The following URGCP variants were observed in gnomAD, a reference collection of about 807,000 sequenced individuals.
The protein encoded by URGCP is upregulator of cell proliferation.
URGCP carries 13 observed loss-of-function variants against 24.6 expected under a neutral mutation model. The ratio of observed to expected loss-of-function variants is 0.53; its 90% confidence interval spans 0.34 to 0.84. URGCP has a LOEUF of 0.84. URGCP is among the 40% of genes least tolerant of loss of function. The pLI is 0.01. For synonymous variants in URGCP, 444 were observed against 487.2 expected (o/e 0.91, Z 1.17); for missense variants, 899 against 1,194.3 (o/e 0.75, Z 3.64).
upstream of URGCP, among the ~76,000 whole-genome samples, chr7:43,907,398 CGAGGCAGGAG>C (rs967066882): frequency 5.9e-5 from 9 of 152,042 alleles, no homozygotes; most frequent in African/African-American, 2.2e-4. Flanking sequence ...TTTGGGAGGC[CGAGGCAGGAG>C]GATCGATTGA....
At chr7:43,905,574 G>C (rs1234582179) in intron 1 of URGCP, 2 of 151,966 alleles carry the variant, frequency 1.3e-5, no homozygotes, top group African/African-American at 4.8e-5. Context: ...CCATGATCCC[G>C]GCCCCTTAGC....
rs915671326 is a variant in URGCP, at chr7:43,878,554, A to G, written c.909T>C (p.Asn303=). The stretch of plus-strand genomic sequence containing the variant: ...CCAACCCATCCGAAATCTCCCGGGC[A>G]TTGGTGCCCAAGTTGAGGTCCCGAT... ...FWHRDLNLGT[N]AREISDGLVE... Residue 303 remains asparagine (N), a synonymous_variant, in exon 6 of 6, where the codon AAT becomes AAC. Transcript: ENST00000453200. The surrounding 1 kb of genome is among the most constrained non-coding windows in gnomAD (Gnocchi z 5.6). The G allele has an allele frequency of 7.4e-6, 12 of 1,614,078 alleles. No individual in the cohort carries two copies. Among genetic ancestry groups the G allele is most frequent in the Admixed American group, 1.7e-5 (1 of 60,016 alleles).
At chr7:43,890,686 T>C (rs2095869369) in intron 1 of URGCP, among the ~76,000 whole-genome samples, 1 of 152,116 alleles carries the variant, frequency 6.6e-6, no homozygotes, top group Admixed American at 6.5e-5. Flanking sequence ...CACATAGACA[T>C]CTCTCCAGGG....
At chr7:43,888,035 G>A (rs2095864667) in intron 1 of URGCP, 1 of 533,210 alleles carries the variant, frequency 1.9e-6, no homozygotes. Flanking sequence ...GGAAAGTCAG[G>A]CTACAGAAAA....
At chr7:43,914,319 T>C (rs1585837663) in intron 1 of URGCP, among the ~76,000 whole-genome samples, 1 of 152,058 alleles carries the variant, frequency 6.6e-6, no homozygotes, top group South Asian at 2.1e-4. Flanking sequence ...CTGGGAAACA[T>C]GGTAAAACCG....
Position 43,877,397 on chromosome 7 carries a change from C to G in URGCP, c.2066G>C (p.Arg689Pro). The G allele has an allele frequency of 2.5e-6, 4 of 1,613,316 alleles. No homozygotes were observed. Among genetic ancestry groups the G allele is most frequent in the Non-Finnish European group, 3.4e-6 (4 of 1,180,026 alleles). The change falls in exon 6 of 6, where the codon CGG becomes CCG. Residue 689 changes from arginine (R) to proline (P), a missense_variant. Physicochemically the swap from Arg to Pro is moderately radical, Grantham distance 103. Coordinates refer to ENST00000453200, the MANE Select transcript of URGCP (RefSeq NM_001077663.3). ...GGTTGACAGAACCACCAGCCTTGAC[C>G]GTCTCTCCAGTCGGACGTGCAGCTC... ...LKELHVRLERRSRLVVLSTVG... is the reference protein window; with the variant it reads ...LKELHVRLERPSRLVVLSTVG...
chr7:43,877,825 C>G lies in URGCP; in HGVS notation c.1638G>C (p.Ser546=). 2 of 1,608,910 alleles carry G rather than the reference C, an allele frequency of 1.2e-6. No homozygotes were observed. The highest frequency in any genetic ancestry group is 1.7e-6 in the Non-Finnish European group (2 of 1,177,466). ...TCCCCGAGATGAACTCCTGCACCCC[C>G]GAGGAGGGATCATGGCCGTTCTGCT... ...RMQQNGHDPS[S]GVQEFISGIS... The change falls in exon 6 of 6, where the codon TCG becomes TCC. Residue 546 remains serine, a synonymous_variant. Transcript: ENST00000453200.
At chr7:43,879,729 T>G (rs1185173767) in intron 5 of URGCP, 1 of 155,464 alleles carries the variant, frequency 6.4e-6, no homozygotes, top group South Asian at 2.0e-4. Context: ...ACAGGAGTCA[T>G]AATCACTGAA....
intron 1 of URGCP, among the ~76,000 whole-genome samples, chr7:43,913,597 G>A (rs368507905): frequency 6.6e-6 from 1 of 152,116 alleles, no homozygotes; most frequent in South Asian, 2.1e-4. Flanking sequence ...TGAGAAATCT[G>A]CTGATAATCT....
At chr7:43,879,298 G>A in intron 5 of URGCP, 38 bp from the exon 6 acceptor site, 1 of 1,556,274 alleles carries the variant, frequency 6.4e-7, no homozygotes, top group South Asian at 1.2e-5. Flanking sequence ...CTCACCCTGT[G>A]TTTCTGAGCT....
chr7:43,920,471 G>A (rs1416870814), intron 1 of URGCP, among the ~76,000 whole-genome samples: 1 of 152,198 alleles, frequency 6.6e-6, no homozygotes, highest in African/African-American at 2.4e-5. Flanking sequence ...GCTGAGGCAG[G>A]TGAATTGCTT....
intron 1 of URGCP, chr7:43,919,811 C>A: frequency 7.8e-7 from 1 of 1,283,968 alleles, no homozygotes; most frequent in African/African-American, 1.5e-5. Flanking sequence ...CCTTGGCCCA[C>A]CGGGTCAGTG....
rs555213448 is a variant in URGCP, at chr7:43,877,336, G to A, written c.2127C>T (p.Leu709=). 1.2e-5 allele frequency: 19 copies of A among 1,612,768 alleles called. No homozygotes were observed. In the South Asian group the frequency reaches 2.0e-4, roughly 17 times the overall value. The part of the protein sequence containing the change: ...GVPGTGKSTL[L]NTMFGLRFAT... Reference sequence around the variant, plus strand: ...CAAACCGCAGCCCAAACATGGTGTTGAGGAGTGTGGACTTGCCCGTGCCTG... The same window carrying A: ...CAAACCGCAGCCCAAACATGGTGTTAAGGAGTGTGGACTTGCCCGTGCCTG... Residue 709 remains leucine (L), a synonymous_variant, in exon 6 of 6, where the codon CTC becomes CTT. Transcript: ENST00000453200.
upstream of URGCP, chr7:43,926,622 C>A: frequency 1.3e-6 from 2 of 1,487,918 alleles, no homozygotes; most frequent in Non-Finnish European, 1.8e-6. Context: ...CGGGGCGCCG[C>A]TGCCGTGAAG....
chr7:43,891,729 C>A (rs745438261), intron 1 of URGCP, among the ~76,000 whole-genome samples: 5 of 152,190 alleles, frequency 3.3e-5, no homozygotes, highest in Admixed American at 6.5e-5. Context: ...GATTCTTATG[C>A]CTCAGCCATC....
At chr7:43,916,849 T>C (rs2095916200) in intron 1 of URGCP, among the ~76,000 whole-genome samples, 1 of 151,816 alleles carries the variant, frequency 6.6e-6, no homozygotes, top group Non-Finnish European at 1.5e-5. Context: ...GTACCTCGGG[T>C]ATTTGCTAGG....
At chr7:43,881,327 A>G (rs531018176) in intron 5 of URGCP, 9 of 671,804 alleles carry the variant, frequency 1.3e-5, no homozygotes, top group Non-Finnish European at 2.4e-5. Context: ...CGGGCTGTAC[A>G]TTAGAATCAA....
chr7:43,886,940 T>C (rs995488279), intron 3 of URGCP, among the ~76,000 whole-genome samples: 3 of 152,128 alleles, frequency 2.0e-5, no homozygotes, highest in African/African-American at 4.8e-5. Flanking sequence ...GTATGGACCA[T>C]AACCAGGAAG....
intron 1 of URGCP, among the ~76,000 whole-genome samples, chr7:43,916,251 A>G (rs1457627867): frequency 6.6e-6 from 1 of 152,124 alleles, no homozygotes; most frequent in Non-Finnish European, 1.5e-5. Flanking sequence ...ACCCAATAAC[A>G]TGGCCCTGCA....
Sources: allele counts gnomAD v4.1 joint callset (sites outside exome capture counted in the v4.1 genomes callset), GRCh38; gene constraint gnomAD v4.1.1; non-coding constraint Gnocchi (gnomAD v3.1); transcripts MANE v1.5; gene names NCBI Gene and HGNC (gene_info 2026-07-23, HGNC 2026-07-21).